The following QTMAN variants were observed in gnomAD, a reference collection of about 807,000 sequenced individuals.
QTMAN encodes the protein queuosine-tRNA mannosyltransferase.
At chr2:144,166,921 C>T in the QTMAN span, among the ~76,000 whole-genome samples, 1 of 152,154 alleles carries the variant, frequency 6.6e-6, no homozygotes, top group Non-Finnish European at 1.5e-5. Flanking sequence ...GACTGTGCCT[C>T]TTCCTCTGCA....
At chr2:144,105,618 C>T in the QTMAN span, among the ~76,000 whole-genome samples, 13 of 152,242 alleles carry the variant, frequency 8.5e-5, no homozygotes, top group Admixed American at 2.6e-4. Context: ...AAGACCAAAT[C>T]GACATCTGAT....
the QTMAN span, among the ~76,000 whole-genome samples, chr2:144,129,234 T>A: frequency 2.6e-5 from 4 of 151,842 alleles, no homozygotes; most frequent in African/African-American, 4.8e-5. Context: ...GGATTTGAAA[T>A]AGGTGGGTGT....
chr2:144,177,325 T>C, the QTMAN span: 2 of 603,310 alleles, frequency 3.3e-6, no homozygotes, highest in Non-Finnish European at 5.9e-6. Context: ...AGCCGAAGAC[T>C]ATGAAAAACA....
At chr2:144,064,444 T>A in the QTMAN span, among the ~76,000 whole-genome samples, 1 of 152,172 alleles carries the variant, frequency 6.6e-6, no homozygotes, top group Non-Finnish European at 1.5e-5. Flanking sequence ...GACATTTGAG[T>A]ATTATAAGAT....
At chr2:143,996,668 C>G in the QTMAN span, among the ~76,000 whole-genome samples, 1 of 151,998 alleles carries the variant, frequency 6.6e-6, no homozygotes, top group Non-Finnish European at 1.5e-5. Context: ...AATTTTCTGC[C>G]AAGTTTGAGG....
chr2:143,996,440 A>G, the QTMAN span, among the ~76,000 whole-genome samples: 1 of 152,154 alleles, frequency 6.6e-6, no homozygotes, highest in Non-Finnish European at 1.5e-5. Context: ...TTGGGGGGAT[A>G]GCTAACAGTT....
At chr2:144,174,978 C>T in the QTMAN span, among the ~76,000 whole-genome samples, 4 of 152,108 alleles carry the variant, frequency 2.6e-5, no homozygotes, top group Non-Finnish European at 5.9e-5. Flanking sequence ...AAGGTATTTG[C>T]TGTGACCATG....
At chr2:143,961,728 G>A in the QTMAN span, among the ~76,000 whole-genome samples, 2 of 152,090 alleles carry the variant, frequency 1.3e-5, no homozygotes, top group Admixed American at 1.3e-4. Context: ...GAGTGGCAAT[G>A]GATCTTCTGG....
At chr2:144,303,630 AAC>A in the QTMAN span, among the ~76,000 whole-genome samples, 52 of 152,218 alleles carry the variant, frequency 3.4e-4, no homozygotes, top group Non-Finnish European at 6.5e-4. Context: ...TACATGCAAA[AAC>A]TTTTATTTTT....
At chr2:144,086,186 T>G in the QTMAN span, among the ~76,000 whole-genome samples, 1 of 152,196 alleles carries the variant, frequency 6.6e-6, no homozygotes, top group African/African-American at 2.4e-5. Flanking sequence ...TTGCTTCTCC[T>G]GCCACTGGCT....
chr2:144,071,146 G>T, the QTMAN span, among the ~76,000 whole-genome samples: 3 of 150,362 alleles, frequency 2.0e-5, no homozygotes, highest in Non-Finnish European at 4.4e-5. Context: ...TTGTTAAAAG[G>T]ACATAAAATG....
At chr2:144,299,838 T>C in the QTMAN span, among the ~76,000 whole-genome samples, 1 of 152,216 alleles carries the variant, frequency 6.6e-6, no homozygotes, top group Non-Finnish European at 1.5e-5. Context: ...CATAGTAGCA[T>C]TGCTCACAAC....
At chr2:143,965,319 G>A in the QTMAN span, among the ~76,000 whole-genome samples, 1 of 152,080 alleles carries the variant, frequency 6.6e-6, no homozygotes, top group Non-Finnish European at 1.5e-5. Flanking sequence ...TACAAACTCT[G>A]GAGGCAAGTC....
At chr2:144,253,243 G>A in the QTMAN span, among the ~76,000 whole-genome samples, 1 of 152,166 alleles carries the variant, frequency 6.6e-6, no homozygotes, top group African/African-American at 2.4e-5. Context: ...GCAGAACAGT[G>A]AGTCAATTAA....
At chr2:143,988,590 G>A in the QTMAN span, among the ~76,000 whole-genome samples, 1 of 152,176 alleles carries the variant, frequency 6.6e-6, no homozygotes, top group Non-Finnish European at 1.5e-5. Context: ...ACAACTCTAC[G>A]AGGTAGATAT....
chr2:144,331,952 G>A, the QTMAN span, among the ~76,000 whole-genome samples: 1 of 152,190 alleles, frequency 6.6e-6, no homozygotes, highest in Non-Finnish European at 1.5e-5. Flanking sequence ...AAGGGGCCAA[G>A]CGCCGGGCAG....
chr2:144,256,701 C>T, the QTMAN span, among the ~76,000 whole-genome samples: 14 of 151,430 alleles, frequency 9.2e-5, no homozygotes, highest in Admixed American at 5.9e-4. Flanking sequence ...GGCCCATCGG[C>T]GGGTGGAGGG....
At chr2:144,298,799 A>C in the QTMAN span, among the ~76,000 whole-genome samples, 92 of 152,322 alleles carry the variant, frequency 6.0e-4, 3 homozygotes, top group South Asian at 0.018. Flanking sequence ...GATATGGCAG[A>C]GTGTTTAACG....
the QTMAN span, among the ~76,000 whole-genome samples, chr2:144,308,173 T>G: frequency 6.8e-6 from 1 of 147,402 alleles, no homozygotes; most frequent in South Asian, 2.2e-4. Flanking sequence ...TTTTTTTTTT[T>G]TTTTTTTTTT....
Sources: allele counts gnomAD v4.1 joint callset (sites outside exome capture counted in the v4.1 genomes callset), GRCh38; gene constraint gnomAD v4.1.1; transcripts MANE v1.5; gene names NCBI Gene and HGNC (gene_info 2026-07-23, HGNC 2026-07-21).